Variants in ARHGAP31 observed in about 807,000 individuals in gnomAD.
ARHGAP31 encodes the protein Rho GTPase activating protein 31.
In ARHGAP31, 34 loss-of-function variants were observed where a neutral mutation model predicts 113.9. The ratio of observed to expected loss-of-function variants is 0.30; its 90% CI spans 0.23 to 0.40. The LOEUF (loss-of-function observed/expected upper bound fraction) is 0.40. Among genes scored for constraint, ARHGAP31 ranks in the 10% least tolerant of loss-of-function variants. ARHGAP31 has a pLI of 1.00. For missense variants in ARHGAP31, 1,548 were observed against 1,767.1 expected (o/e 0.88, Z 2.22); for synonymous variants, 650 against 684.8 (o/e 0.95, Z 0.79).
rs1398153643 is a variant in ARHGAP31, at chr3:119,294,755, C to A, written c.-150C>A. The stretch of plus-strand genomic sequence containing the variant: ...CGGCCCGCGGCCCGCGGGGTCCATG[C>A]GCAGGGCCCCCAGCCCAAGTTCTTC... On this transcript the variant is annotated 5_prime_UTR_variant, in exon 1 of 12. Transcript: ENST00000264245. The A allele has an allele frequency of 1.3e-6, 1 of 749,092 alleles. No homozygotes were observed. The highest frequency in any genetic ancestry group is 2.3e-6 in the Non-Finnish European group (1 of 434,442). 46.4% of individuals were successfully genotyped at this position (749,092 alleles called of 1,614,324 possible). A position where few individuals can be genotyped will look rare whatever the true frequency, so the allele number is the denominator to read the frequency against.
At chr3:119,332,608 C>CTT (rs1312074649) in intron 1 of ARHGAP31, among the ~76,000 whole-genome samples, 14 of 103,344 alleles carry the variant, frequency 1.4e-4, no homozygotes, top group African/African-American at 2.7e-4. Flanking sequence ...CTCTCTTTCT[C>CTT]TCTCTCTCTC....
chr3:119,327,506 C>G (rs1487350678), intron 1 of ARHGAP31, among the ~76,000 whole-genome samples: 1 of 152,100 alleles, frequency 6.6e-6, no homozygotes, highest in Non-Finnish European at 1.5e-5. Flanking sequence ...GATCATGCCA[C>G]TGTACTCCAG....
intron 5 of ARHGAP31, 151 bp from the exon 6 acceptor site, chr3:119,382,933 A>G: frequency 9.9e-7 from 1 of 1,014,464 alleles, no homozygotes; most frequent in East Asian, 2.5e-5. Flanking sequence ...GCCTTTGGAG[A>G]GTTCCTTTAA....
intron 1 of ARHGAP31, among the ~76,000 whole-genome samples, chr3:119,345,222 G>A (rs1217941911): frequency 2.6e-5 from 4 of 152,072 alleles, no homozygotes; most frequent in African/African-American, 7.2e-5. Context: ...TCCTGACCTC[G>A]TGATCCACCC....
chr3:119,307,817 G>A (rs2079643327), intron 1 of ARHGAP31, among the ~76,000 whole-genome samples: 1 of 151,168 alleles, frequency 6.6e-6, no homozygotes, highest in East Asian at 1.9e-4. Flanking sequence ...TGTAAGTCCT[G>A]GATTTTTGCT....
In ARHGAP31 at chr3:119,296,848, T is replaced by A. The variant is rs2079537602; in HGVS notation, c.100+1844T>A. Among the ~76,000 whole-genome samples, 4 of 152,170 alleles carry A rather than the reference T, an allele frequency of 2.6e-5. No individual in the cohort carries two copies. The South Asian group carries it at 8.3e-4, about 32-fold the overall frequency. ...GGAAAAGAAGCCCAGAGGGGTAAAT[T>A]GGCCTGCCTGAGGTTGTACAGCTAA... On this transcript the variant is annotated intron_variant, in intron 1 of 11. Transcript: ENST00000264245.
intron 1 of ARHGAP31, among the ~76,000 whole-genome samples, chr3:119,336,751 TACA>T (rs1183444001): frequency 6.6e-6 from 1 of 152,192 alleles, no homozygotes; most frequent in Non-Finnish European, 1.5e-5. Context: ...CAATCAATCT[TACA>T]ACATTTGCAT....
chr3:119,328,707 C>A (rs1340667993), intron 1 of ARHGAP31, among the ~76,000 whole-genome samples: 4 of 151,938 alleles, frequency 2.6e-5, no homozygotes, highest in Non-Finnish European at 5.9e-5. Context: ...ATGGCGCGAT[C>A]TTGGCTCACT....
chr3:119,343,804 C>A (rs1368120239), intron 1 of ARHGAP31, among the ~76,000 whole-genome samples: 1 of 152,228 alleles, frequency 6.6e-6, no homozygotes, highest in Non-Finnish European at 1.5e-5. Context: ...ACGAGGAGCT[C>A]AGGGACACTC....
chr3:119,315,432 A>C (rs777484430), intron 1 of ARHGAP31, among the ~76,000 whole-genome samples: 1 of 152,232 alleles, frequency 6.6e-6, no homozygotes, highest in Non-Finnish European at 1.5e-5. Context: ...TTGACATTAC[A>C]AAGTCATCCG....
At position 119,382,272 on chromosome 3, in the gene ARHGAP31, C is replaced by CA. The variant is rs1161659925; in HGVS notation, c.432-14dup. The CA allele has an allele frequency of 2.5e-6, 4 of 1,611,846 alleles. No homozygotes were observed. Among genetic ancestry groups the CA allele is most frequent in the Non-Finnish European group, 3.4e-6 (4 of 1,178,090 alleles). The stretch of plus-strand genomic sequence containing the variant: ...CGGGCACTGAAGTTTCTTACTTTGT[C>CA]AAAAAACAAACCATTCTAGGACCTT... On this transcript the variant is annotated intron_variant, in intron 4 of 11. Coordinates refer to ENST00000264245, the MANE Select transcript of ARHGAP31 (RefSeq NM_020754.4).
chr3:119,311,748 C>A (rs1043193613), intron 1 of ARHGAP31, among the ~76,000 whole-genome samples: 7 of 152,344 alleles, frequency 4.6e-5, no homozygotes, highest in African/African-American at 1.7e-4. Flanking sequence ...CAGGTATTAT[C>A]TGTCCTGGGG....
chr3:119,329,872 T>C (rs998394587), intron 1 of ARHGAP31: 2 of 985,376 alleles, frequency 2.0e-6, no homozygotes, highest in Non-Finnish European at 2.4e-6. Flanking sequence ...AGCCTCATTG[T>C]GTGAGTCCTC....
At chr3:119,384,675 A>G (rs1428241086) in intron 6 of ARHGAP31, among the ~76,000 whole-genome samples, 1 of 152,238 alleles carries the variant, frequency 6.6e-6, no homozygotes, top group Non-Finnish European at 1.5e-5. Flanking sequence ...TTAGAAGGGC[A>G]GATCCCTCAT....
chr3:119,401,782 T>A, intron 9 of ARHGAP31, 40 bp from the exon 10 acceptor site: 1 of 1,597,106 alleles, frequency 6.3e-7, no homozygotes, highest in Non-Finnish European at 8.6e-7. Context: ...ATTGTATGTG[T>A]GCCCCGGCTG....
At chr3:119,332,502 G>A (rs2079900719) in intron 1 of ARHGAP31, among the ~76,000 whole-genome samples, 1 of 151,962 alleles carries the variant, frequency 6.6e-6, no homozygotes, top group Non-Finnish European at 1.5e-5. Context: ...GCACCGGCCG[G>A]ATTCCCTGTA....
chr3:119,415,883 G>A lies in ARHGAP31; in HGVS notation c.3954G>A (p.Gly1318=), dbSNP rs1385939466. 1.9e-6 allele frequency: 3 copies of A among 1,614,170 alleles called. No individual in the cohort carries two copies. Among genetic ancestry groups the A allele is most frequent in the African/African-American group, 2.7e-5 (2 of 75,018 alleles). The stretch of plus-strand genomic sequence containing the variant: ...GCATGTCAGAGACAGAGCCATCTGG[G>A]GACAACCTTCTTTCTTCAAAACTAG... The part of the protein sequence containing the change: ...RKRMSETEPS[G]DNLLSSKLER... The change falls in exon 12 of 12, where the codon GGG becomes GGA. Residue 1318 remains glycine (G), a synonymous_variant. Transcript: ENST00000264245.
rs2079519883 is a variant in ARHGAP31, at chr3:119,294,950, G to A, written c.46G>A (p.Ala16Thr). 2 of 1,614,116 alleles carry A rather than the reference G, an allele frequency of 1.2e-6. No individual in the cohort carries two copies. Among genetic ancestry groups the A allele is most frequent in the Non-Finnish European group, 1.7e-6 (2 of 1,180,018 alleles). The change falls in exon 1 of 12, where the codon GCC becomes ACC. Residue 16 changes from alanine (A) to threonine (T), a missense_variant. Transcript: ENST00000264245. ...AKQKLKRKGA[A>T]SAFGCDLTEY... ...GCAGAAGCTGAAACGAAAGGGAGCCGCCAGCGCGTTTGGCTGTGACCTGAC... is the reference window on the plus strand; with the variant it reads ...GCAGAAGCTGAAACGAAAGGGAGCCACCAGCGCGTTTGGCTGTGACCTGAC...
At chr3:119,339,219 T>C (rs1284166041) in intron 1 of ARHGAP31, among the ~76,000 whole-genome samples, 1 of 152,180 alleles carries the variant, frequency 6.6e-6, no homozygotes, top group African/African-American at 2.4e-5. Context: ...GAAAGGCGAA[T>C]TATAAGGTTG....
Sources: allele counts gnomAD v4.1 joint callset (sites outside exome capture counted in the v4.1 genomes callset), GRCh38; gene constraint gnomAD v4.1.1; transcripts MANE v1.5; gene names NCBI Gene and HGNC (gene_info 2026-07-23, HGNC 2026-07-21).